The following NRXN1 variants were observed in gnomAD, a reference collection of about 807,000 sequenced individuals.
NRXN1 encodes the protein neurexin-1.
A neutral mutation model predicts 150.9 loss-of-function variants in NRXN1; 39 were observed. That is an observed-to-expected ratio of 0.26 (90% CI 0.20 to 0.34). The LOEUF (loss-of-function observed/expected upper bound fraction) is 0.34, where lower values mean the gene tolerates loss of function less well. NRXN1 is among the 10% of genes least tolerant of loss of function. NRXN1 has a pLI of 1.00. For synonymous variants in NRXN1, 924 were observed against 757.0 expected, an observed-to-expected ratio of 1.22 and a Z score of -3.62; for missense variants, 1,815 against 1,949.9, an observed-to-expected ratio of 0.93 and a Z score of 1.30.
chr2:50,005,224 G>A (rs1684568678), intron 21 of NRXN1, among the ~76,000 whole-genome samples: 1 of 152,082 alleles, frequency 6.6e-6, no homozygotes, highest in Non-Finnish European at 1.5e-5. Context: ...ACACTAGGAA[G>A]AGAGTAGGAA....
intron 15 of NRXN1, among the ~76,000 whole-genome samples, chr2:50,474,383 T>A (rs2104724541): frequency 6.6e-6 from 1 of 151,798 alleles, no homozygotes; most frequent in East Asian, 2.0e-4. Flanking sequence ...AAGCAGGAGA[T>A]AAAGTTGGAA....
rs1394397424 is a variant in NRXN1, at chr2:49,922,087, C to T, written c.4381G>A (p.Gly1461Ser). ...CGACTCTCGTCCACATGGTATGAGC[C>T]TTCATCCCGGTTTCTGTACTTGTAC... ...AMYKYRNRDE[G>S]SYHVDESRNY... The change falls in exon 23 of 23, where the codon GGC becomes AGC. Residue 1461 changes from glycine to serine, a missense_variant. Coordinates refer to ENST00000401669, the MANE Select transcript of NRXN1 (RefSeq NM_001330078.2). The T allele has an allele frequency of 6.2e-7, 1 of 1,614,018 alleles. No homozygotes were observed. Among genetic ancestry groups the T allele is most frequent in the East Asian group, 2.2e-5 (1 of 44,878 alleles).
At chr2:50,696,175 C>CGTGTGTGT (rs200473527) in intron 5 of NRXN1, 25 of 146,500 alleles carry the variant, frequency 1.7e-4, no homozygotes, top group African/African-American at 5.6e-4. Context: ...AGTACATATA[C>CGTGTGTGT]GTGTGTGTGT....
chr2:50,349,851 T>C (rs1333512394), intron 17 of NRXN1, among the ~76,000 whole-genome samples: 2 of 152,190 alleles, frequency 1.3e-5, no homozygotes, highest in South Asian at 4.1e-4. Flanking sequence ...CATTGCATTG[T>C]TTTCCAATAC....
At chr2:50,435,003 A>G (rs1483211943) in intron 17 of NRXN1, among the ~76,000 whole-genome samples, 3 of 152,252 alleles carry the variant, frequency 2.0e-5, no homozygotes, top group Non-Finnish European at 4.4e-5. Flanking sequence ...CTTTAGAAAT[A>G]TAAGCACCTA....
At chr2:50,738,567 C>T (rs1026146192) in intron 5 of NRXN1, among the ~76,000 whole-genome samples, 2 of 152,078 alleles carry the variant, frequency 1.3e-5, no homozygotes, top group African/African-American at 4.8e-5. Context: ...GCAGAGAATG[C>T]AAGAGAATGC....
chr2:50,767,204 AC>A (rs1359279921), intron 5 of NRXN1, among the ~76,000 whole-genome samples: 1 of 152,046 alleles, frequency 6.6e-6, no homozygotes, highest in East Asian at 1.9e-4. Context: ...TGCCTTAAAT[AC>A]CATAGTTGAA....
At chr2:50,426,720 T>G (rs1363371126) in intron 17 of NRXN1, among the ~76,000 whole-genome samples, 1 of 152,172 alleles carries the variant, frequency 6.6e-6, no homozygotes, top group South Asian at 2.1e-4. Context: ...CACTGCAAAT[T>G]CAGTCCCTGA....
At chr2:51,010,971 C>T (rs538432329) in intron 2 of NRXN1, among the ~76,000 whole-genome samples, 125 of 151,872 alleles carry the variant, frequency 8.2e-4, no homozygotes, top group Middle Eastern at 3.4e-3. Context: ...TTTTGTATCG[C>T]GCTTTTTGCC....
At chr2:49,958,843 T>C (rs890009430) in intron 21 of NRXN1, among the ~76,000 whole-genome samples, 1 of 152,130 alleles carries the variant, frequency 6.6e-6, no homozygotes, top group African/African-American at 2.4e-5. Flanking sequence ...CTTTCTTCCT[T>C]CCAATTTGCC....
At chr2:50,126,864 A>G (rs1704665032) in intron 18 of NRXN1, among the ~76,000 whole-genome samples, 1 of 152,086 alleles carries the variant, frequency 6.6e-6, no homozygotes, top group African/African-American at 2.4e-5. Context: ...TTTTTAAATT[A>G]TATATTTCAT....
At chr2:50,415,112 C>G (rs1036092367) in intron 17 of NRXN1, among the ~76,000 whole-genome samples, 1 of 151,964 alleles carries the variant, frequency 6.6e-6, no homozygotes, top group East Asian at 1.9e-4. Flanking sequence ...ATAGGAAGGA[C>G]TTCATAGAAG....
intron 5 of NRXN1, among the ~76,000 whole-genome samples, chr2:50,861,308 G>C (rs908075654): frequency 6.6e-6 from 1 of 151,960 alleles, no homozygotes; most frequent in Admixed American, 6.6e-5. Flanking sequence ...CATCTTCTGG[G>C]CTCAAGCCAT....
At chr2:50,566,513 C>T (rs1464383460) in intron 8 of NRXN1, among the ~76,000 whole-genome samples, 3 of 151,796 alleles carry the variant, frequency 2.0e-5, no homozygotes, top group Non-Finnish European at 2.9e-5. Flanking sequence ...CCTCAGCCTC[C>T]CAAAGTGTTG....
At chr2:50,856,769 G>T (rs1675335319) in intron 5 of NRXN1, among the ~76,000 whole-genome samples, 1 of 152,008 alleles carries the variant, frequency 6.6e-6, no homozygotes, top group Non-Finnish European at 1.5e-5. Context: ...CCCTCTGAGG[G>T]TGTTAGCATT....
chr2:50,623,975 C>A (rs1680525659), intron 5 of NRXN1, among the ~76,000 whole-genome samples: 1 of 152,062 alleles, frequency 6.6e-6, no homozygotes, highest in Non-Finnish European at 1.5e-5. Context: ...TGATGTTCCC[C>A]TTCCTGTGTT....
intron 5 of NRXN1, among the ~76,000 whole-genome samples, chr2:50,844,023 T>C (rs192715626): frequency 6.6e-6 from 1 of 152,210 alleles, no homozygotes; most frequent in Admixed American, 6.6e-5. Context: ...AGGTGGTCAC[T>C]CTCACTGAAG....
At chr2:50,828,222 G>T (rs1452402019) in intron 5 of NRXN1, among the ~76,000 whole-genome samples, 1 of 149,910 alleles carries the variant, frequency 6.7e-6, no homozygotes, top group African/African-American at 2.5e-5. Flanking sequence ...GGGGCGGCCG[G>T]GCAGAGGCAC....
chr2:50,554,171 T>C (rs529075251), intron 8 of NRXN1, among the ~76,000 whole-genome samples: 3 of 152,118 alleles, frequency 2.0e-5, no homozygotes, highest in African/African-American at 7.2e-5. Context: ...TATATGTATA[T>C]GTATACACAC....
Sources: gnomAD v4.1 joint callset for allele counts (sites outside exome capture counted in the v4.1 genomes callset) on GRCh38, gnomAD v4.1.1 for gene constraint, MANE v1.5 for transcripts, NCBI Gene and HGNC (gene_info 2026-07-23, HGNC 2026-07-21) for gene names.